MAP3K3: variants seen among roughly 807,000 people sequenced by gnomAD.
The protein encoded by MAP3K3 is mitogen-activated protein kinase kinase kinase 3, also known as MAP/ERK kinase kinase 3.
In MAP3K3, 12 loss-of-function variants were observed where a neutral mutation model predicts 80.9. The observed-to-expected ratio is 0.15, with a 90% CI of 0.10 to 0.24. MAP3K3 has a LOEUF of 0.24. Among genes scored for constraint, MAP3K3 ranks in the 10% least tolerant of loss-of-function variants. The probability of loss-of-function intolerance (pLI) is 1.00; values close to 1 mark genes in which losing one functional copy is unlikely to be tolerated. For synonymous variants in MAP3K3, 272 were observed against 307.1 expected, an observed-to-expected ratio of 0.89 and a Z score of 1.19; for missense variants, 596 against 834.7, an observed-to-expected ratio of 0.71 and a Z score of 3.52.
intron 1 of MAP3K3, among the ~76,000 whole-genome samples, chr17:63,630,367 G>T (rs2034190778): frequency 6.6e-6 from 1 of 151,948 alleles, no homozygotes; most frequent in South Asian, 2.1e-4. Context: ...TCTCACTGTC[G>T]CCCAGGCTGA....
chr17:63,658,734 C>CTTTTTTT (rs55818509), intron 5 of MAP3K3, among the ~76,000 whole-genome samples: 2 of 138,148 alleles, frequency 1.4e-5, no homozygotes, highest in African/African-American at 5.4e-5. Flanking sequence ...CATTTCTTTT[C>CTTTTTTT]TTTTTTTTTT....
chr17:63,635,717 T>A (rs990548217), intron 2 of MAP3K3, among the ~76,000 whole-genome samples: 2 of 152,162 alleles, frequency 1.3e-5, no homozygotes, highest in Admixed American at 1.3e-4. Flanking sequence ...GTTACACATT[T>A]ATTATTATTA....
intron 4 of MAP3K3, among the ~76,000 whole-genome samples, chr17:63,655,626 G>A (rs1036329967): frequency 8.6e-5 from 13 of 152,004 alleles, no homozygotes; most frequent in African/African-American, 3.1e-4. Flanking sequence ...CAGTAACTGG[G>A]ACAATAAGCA....
chr17:63,637,826 A>G (rs1169953644), intron 2 of MAP3K3, among the ~76,000 whole-genome samples: 4 of 152,202 alleles, frequency 2.6e-5, no homozygotes, highest in Non-Finnish European at 5.9e-5. Flanking sequence ...TGGTAGGTAG[A>G]TACTTGAACA....
rs2035648223 is a variant in MAP3K3, at chr17:63,694,209, G to A, written c.*432G>A. Reference sequence around the variant, plus strand: ...TCCTTCCAATGTCTGGAGACCACCAGGGCATCTCTGGGCTGGATGAGCTCC... The same window carrying A: ...TCCTTCCAATGTCTGGAGACCACCAAGGCATCTCTGGGCTGGATGAGCTCC... On this transcript the variant is annotated 3_prime_UTR_variant, in exon 16 of 16. Coordinates refer to ENST00000361733, the MANE Select transcript of MAP3K3 (RefSeq NM_002401.5). 1 of 155,046 alleles carries A rather than the reference G, an allele frequency of 6.4e-6. No individual in the cohort carries two copies. Among genetic ancestry groups the A allele is most frequent in the Non-Finnish European group, 1.4e-5 (1 of 69,480 alleles). The allele number at this position is 155,046 out of a possible 1,614,324, so 9.6% of individuals were successfully genotyped here.
intron 1 of MAP3K3, among the ~76,000 whole-genome samples, chr17:63,626,477 A>T (rs567175228): frequency 2.6e-5 from 4 of 152,316 alleles, no homozygotes; most frequent in African/African-American, 9.6e-5. Context: ...ATTGATTCTT[A>T]TGAGGAATAA....
At chr17:63,659,525 CTTTT>C (rs57166616) in intron 5 of MAP3K3, among the ~76,000 whole-genome samples, 1 of 64,588 alleles carries the variant, frequency 1.5e-5, no homozygotes, top group Non-Finnish European at 2.8e-5. Context: ...CTGTCATGGA[CTTTT>C]TTTTTTTTTT....
At chr17:63,686,525 C>T (rs530052125) in intron 8 of MAP3K3, among the ~76,000 whole-genome samples, 2 of 152,232 alleles carry the variant, frequency 1.3e-5, no homozygotes, top group African/African-American at 4.8e-5. Flanking sequence ...TTGACTCTGG[C>T]TTTGGATTAT....
chr17:63,692,093 C>A lies in MAP3K3; in HGVS notation c.1475-149C>A. On this transcript the variant is annotated intron_variant, in intron 14 of 15. Coordinates refer to ENST00000361733, the MANE Select transcript of MAP3K3 (RefSeq NM_002401.5). The surrounding 1 kb of genome is among the most constrained non-coding windows in gnomAD (Gnocchi z 4.5). ...TTTGTGCGGTAGATCTGAGACTCCC[C>A]TTTGCTAAATCCTTTGCCCTTTGCA... 1 of 977,900 alleles carries A rather than the reference C, an allele frequency of 1.0e-6. No individual in the cohort carries two copies. The highest frequency in any genetic ancestry group is 1.5e-6 in the Non-Finnish European group (1 of 657,480). 60.6% of individuals were successfully genotyped at this position (977,900 alleles called of 1,614,324 possible). A position where few individuals can be genotyped will look rare whatever the true frequency, so the allele number is the denominator to read the frequency against.
intron 5 of MAP3K3, among the ~76,000 whole-genome samples, chr17:63,666,516 T>C (rs918122891): frequency 1.3e-5 from 2 of 152,116 alleles, no homozygotes; most frequent in African/African-American, 2.4e-5. Flanking sequence ...CAGAATTTTG[T>C]TGGGGAGGGA....
chr17:63,662,732 A>T (rs1406840414), intron 5 of MAP3K3, among the ~76,000 whole-genome samples: 1 of 134,148 alleles, frequency 7.5e-6, no homozygotes, highest in South Asian at 2.3e-4. Flanking sequence ...ATCTCAGCTC[A>T]CCGCAGCCTC....
rs762066955 is a variant in MAP3K3, at chr17:63,688,832, C to T, written c.822C>T (p.Thr274=). 3.7e-6 allele frequency: 6 copies of T among 1,613,972 alleles called. No homozygotes were observed. In the Admixed American group the frequency reaches 6.7e-5, roughly 18 times the overall value. The change falls in exon 10 of 16, where the codon ACC becomes ACT. Residue 274 remains threonine, a synonymous_variant. Transcript: ENST00000361733. The stretch of plus-strand genomic sequence containing the variant: ...ATGACAAAGGGGTCAAAGGTGGAAC[C>T]TACCCCCGGCGCTACCACGTGTCTG... ...QLYDKGVKGG[T]YPRRYHVSVH...
In MAP3K3 at chr17:63,689,310, C is replaced by T; in HGVS notation, c.872-234C>T. The stretch of plus-strand genomic sequence containing the variant: ...AGATCTCCCTGAACCAGACTACTTC[C>T]TAATTTCTGCTTTTGTCCTGATTCT... On this transcript the variant is annotated intron_variant, in intron 10 of 15. Transcript: ENST00000361733. The surrounding 1 kb of genome is among the most constrained non-coding windows in gnomAD (Gnocchi z 4.3). The T allele has an allele frequency of 1.8e-6, 1 of 566,248 alleles. No homozygotes were observed. Among genetic ancestry groups the T allele is most frequent in the Non-Finnish European group, 3.1e-6 (1 of 318,138 alleles). 35.1% of individuals were successfully genotyped at this position (566,248 alleles called of 1,614,324 possible).
intron 5 of MAP3K3, among the ~76,000 whole-genome samples, chr17:63,659,031 C>T (rs1040208041): frequency 3.9e-5 from 6 of 151,948 alleles, no homozygotes; most frequent in African/African-American, 9.6e-5. Flanking sequence ...CCACTGTGCC[C>T]GGCCATTTTT....
Position 63,692,582 on chromosome 17 carries a change from A to G in MAP3K3, c.1652+163A>G, listed in dbSNP as rs1231509696. On this transcript the variant is annotated intron_variant, in intron 15 of 15. Coordinates refer to ENST00000361733, the MANE Select transcript of MAP3K3 (RefSeq NM_002401.5). This position sits in a 1 kb window ranked among gnomAD's most constrained non-coding sequence, Gnocchi z 4.5. ...TATTGGGTGCAGTAGCACACACACC[A>G]CATGGGTGGTGCTCAAAGCACACTC... 6.6e-6 allele frequency among the ~76,000 whole-genome samples: 1 copy of G among 152,226 alleles called. No homozygotes were observed. The highest frequency in any genetic ancestry group is 6.5e-5 in the Admixed American group (1 of 15,286).
rs45550042 is a variant in MAP3K3, at chr17:63,693,785, C to T, written c.*8C>T. On this transcript the variant is annotated 3_prime_UTR_variant, in exon 16 of 16. Coordinates refer to ENST00000361733, the MANE Select transcript of MAP3K3 (RefSeq NM_002401.5). This position sits in a 1 kb window ranked among gnomAD's most constrained non-coding sequence, Gnocchi z 4.2. ...GCACAGCTCATGTACTGAGCTCTCACGGCCACACAGCTGCCGGTCGCCCTT... is the reference window on the plus strand; with the variant it reads ...GCACAGCTCATGTACTGAGCTCTCATGGCCACACAGCTGCCGGTCGCCCTT... 6.8e-3 allele frequency: 10,812 copies of T among 1,591,020 alleles called. 56 individuals are homozygous for T. Among genetic ancestry groups the T allele is most frequent in the Non-Finnish European group, 8.3e-3 (9,698 of 1,169,386 alleles).
At chr17:63,658,942 G>A (rs930633324) in intron 5 of MAP3K3, among the ~76,000 whole-genome samples, 2 of 152,206 alleles carry the variant, frequency 1.3e-5, no homozygotes, top group East Asian at 1.9e-4. Context: ...CACCATGTTC[G>A]TCAGGCTGGT....
chr17:63,653,403 A>C (rs1017777198), intron 4 of MAP3K3, among the ~76,000 whole-genome samples: 2 of 152,176 alleles, frequency 1.3e-5, no homozygotes, highest in African/African-American at 4.8e-5. Context: ...CCCTTTGAGA[A>C]CCAGATCATC....
Position 63,696,015 on chromosome 17 carries a change from G to A in MAP3K3, c.*2238G>A, listed in dbSNP as rs1321580752. The A allele has an allele frequency of 6.6e-6, 1 of 152,618 alleles. No homozygotes were observed. Among genetic ancestry groups the A allele is most frequent in the Non-Finnish European group, 1.5e-5 (1 of 68,076 alleles). The allele number at this position is 152,618 out of a possible 1,614,324, so 9.5% of individuals were successfully genotyped here. A position where few individuals can be genotyped will look rare whatever the true frequency, so the allele number is the denominator to read the frequency against. On this transcript the variant is annotated 3_prime_UTR_variant, in exon 16 of 16. Coordinates refer to ENST00000361733, the MANE Select transcript of MAP3K3 (RefSeq NM_002401.5). The stretch of plus-strand genomic sequence containing the variant: ...AGTTCCTGGCAGCCCCAGGCTTGCT[G>A]TGGGAAGGGGCCGTGCCGTCACTTT...
Sources: allele counts gnomAD v4.1 joint callset (sites outside exome capture counted in the v4.1 genomes callset), GRCh38; gene constraint gnomAD v4.1.1; non-coding constraint Gnocchi (gnomAD v3.1); transcripts MANE v1.5; gene names NCBI Gene and HGNC (gene_info 2026-07-23, HGNC 2026-07-21).